Variants in L2HGDH observed in about 807,000 individuals in gnomAD.
L2HGDH encodes L-2-hydroxyglutarate dehydrogenase, also known as L-2-hydroxyglutarate dehydrogenase, mitochondrial.
In L2HGDH, 34 loss-of-function variants were observed where a neutral mutation model predicts 51.5. The ratio of observed to expected loss-of-function variants is 0.66; its 90% confidence interval spans 0.50 to 0.88. The LOEUF (loss-of-function observed/expected upper bound fraction) is 0.88, where lower values mean the gene tolerates loss of function less well. Ranked by LOEUF, L2HGDH falls within the 40% of genes least tolerant of loss-of-function variation. L2HGDH has a pLI of 0.00. For synonymous variants in L2HGDH, 198 were observed against 197.9 expected (o/e 1.00, Z -0.01); for missense variants, 558 against 571.9 (o/e 0.98, Z 0.25).
At position 50,267,564 on chromosome 14, in the gene L2HGDH, T is replaced by G. The variant is rs12431540; in HGVS notation, c.1064+189A>C. 0.75 allele frequency among the ~76,000 whole-genome samples: 113,079 copies of G among 151,050 alleles called. 43,064 individuals carry two copies. Among genetic ancestry groups the G allele is most frequent in the African/African-American group, 0.9 (36,937 of 40,962 alleles). ...TACTTATTCCAAAAGGCATTTTTTTTTTTGTTTGTTTGTTTGTTTGTTTGC... is the reference window on the plus strand; with the variant it reads ...TACTTATTCCAAAAGGCATTTTTTTGTTTGTTTGTTTGTTTGTTTGTTTGC... On this transcript the variant is annotated intron_variant, in intron 8 of 9. Transcript: ENST00000267436.
chr14:50,278,521 T>C lies in L2HGDH; in HGVS notation c.737A>G (p.Lys246Arg). ...GCAGTTTTGCTTAAGAATCTTTACC[T>C]TTGTATTCTTTATAACAATTGGATA... ...MQYPIVIKNT[K>R]GEEIRCQYVV... The change falls in exon 6 of 10, where the codon AAG (lysine) becomes AGG (arginine). Residue 246 changes from lysine to arginine, a missense_variant and splice_region_variant. By Grantham distance (26) the Lys-to-Arg change is conservative. Coordinates refer to ENST00000267436, the MANE Select transcript of L2HGDH (RefSeq NM_024884.3). 6.7e-7 allele frequency: 1 copy of C among 1,496,276 alleles called. No homozygotes were observed. Among genetic ancestry groups the C allele is most frequent in the Non-Finnish European group, 9.3e-7 (1 of 1,079,860 alleles). The allele number at this position is 1,496,276 out of a possible 1,614,324, so 92.7% of individuals were successfully genotyped here.
chr14:50,256,908 G>A (rs1888698449), intron 9 of L2HGDH, among the ~76,000 whole-genome samples: 1 of 151,988 alleles, frequency 6.6e-6, no homozygotes, highest in Admixed American at 6.6e-5. Flanking sequence ...AGATAGGCTG[G>A]AATCTTCTCA....
At chr14:50,295,791 T>G (rs964298266) in intron 3 of L2HGDH, among the ~76,000 whole-genome samples, 2 of 146,948 alleles carry the variant, frequency 1.4e-5, no homozygotes, top group South Asian at 2.1e-4. Context: ...CAGGCTGGAG[T>G]GCAATGGCAG....
chr14:50,284,369 T>C (rs1890446713), intron 4 of L2HGDH, among the ~76,000 whole-genome samples: 1 of 152,252 alleles, frequency 6.6e-6, no homozygotes. Context: ...TCCAGAGCAT[T>C]GCTTTGACTT....
At chr14:50,283,348 G>A (rs531421570) in intron 5 of L2HGDH, among the ~76,000 whole-genome samples, 2 of 152,192 alleles carry the variant, frequency 1.3e-5, no homozygotes, top group South Asian at 2.1e-4. Flanking sequence ...TCGGACCACC[G>A]CCTGGTTCTA....
At chr14:50,248,946 C>A (rs564364247) in intron 9 of L2HGDH, among the ~76,000 whole-genome samples, 3 of 152,278 alleles carry the variant, frequency 2.0e-5, no homozygotes, top group South Asian at 2.1e-4. Context: ...CCCTCCCTCA[C>A]CCCCTAGCAG....
intron 1 of L2HGDH, among the ~76,000 whole-genome samples, chr14:50,310,936 C>CTTTTTTTTTTTTTTTTTTTTTT (rs34399906): frequency 2.3e-4 from 19 of 82,238 alleles, no homozygotes; most frequent in East Asian, 4.2e-4. Flanking sequence ...CTTTTCTTTT[C>CTTTTTTTTTTTTTTTTTTTTTT]TTTTTTTTTT....
chr14:50,247,018 G>T lies in L2HGDH; in HGVS notation c.*40C>A, dbSNP rs761154069. On this transcript the variant is annotated 3_prime_UTR_variant, in exon 10 of 10. Coordinates refer to ENST00000267436, the MANE Select transcript of L2HGDH (RefSeq NM_024884.3). ...ATGCAATTAGTACATTCTTGTTGCT[G>T]ACATGAAGATTACAGTGCATACCTA... The T allele has an allele frequency of 1.9e-6, 3 of 1,593,938 alleles. No homozygotes were observed. Among genetic ancestry groups the T allele is most frequent in the East Asian group, 2.2e-5 (1 of 44,552 alleles).
intron 4 of L2HGDH, among the ~76,000 whole-genome samples, chr14:50,288,519 C>T (rs1890688250): frequency 6.6e-6 from 1 of 152,176 alleles, no homozygotes; most frequent in Non-Finnish European, 1.5e-5. Flanking sequence ...AAACCTCTGC[C>T]TCCCTGGTTC....
intron 6 of L2HGDH, among the ~76,000 whole-genome samples, chr14:50,269,643 G>C (rs1417953262): frequency 6.6e-6 from 1 of 152,062 alleles, no homozygotes; most frequent in Non-Finnish European, 1.5e-5. Context: ...ATACAAATCT[G>C]TTTATTAGGA....
intron 3 of L2HGDH, among the ~76,000 whole-genome samples, chr14:50,298,104 C>G (rs966962179): frequency 2.0e-5 from 3 of 151,850 alleles, no homozygotes; most frequent in Non-Finnish European, 2.9e-5. Flanking sequence ...ATTAGCCAGG[C>G]ATGGTGGCGT....
rs1887853428 is a variant in L2HGDH, at chr14:50,242,738, G to A, written c.*4320C>T. 5 of 985,384 alleles carry A rather than the reference G, an allele frequency of 5.1e-6. No homozygotes were observed. Among genetic ancestry groups the A allele is most frequent in the Non-Finnish European group, 6.0e-6 (5 of 829,900 alleles). The allele number at this position is 985,384 out of a possible 1,614,324, so 61.0% of individuals were successfully genotyped here. ...GATTTCAAAAACTCCCTTTGAGTGT[G>A]TTAGAAAAGCTTAGAAACTGACTTT... On this transcript the variant is annotated 3_prime_UTR_variant, in exon 10 of 10. Coordinates refer to ENST00000267436, the MANE Select transcript of L2HGDH (RefSeq NM_024884.3).
At position 50,294,096 on chromosome 14, in the gene L2HGDH, C is replaced by T. The variant is rs1566533605; in HGVS notation, c.540+19G>A. On this transcript the variant is annotated intron_variant, in intron 4 of 9. Transcript: ENST00000267436. The stretch of plus-strand genomic sequence containing the variant: ...AGGACTAAGCCCTAAATAAAAACAT[C>T]CCTTTGTTAATCACTTACCCTACAA... The T allele has an allele frequency of 6.2e-7, 1 of 1,613,288 alleles. No homozygotes were observed. The highest frequency in any genetic ancestry group is 2.2e-5 in the East Asian group (1 of 44,844).
intron 1 of L2HGDH, chr14:50,311,143 T>C (rs1315206988): frequency 2.9e-6 from 1 of 341,740 alleles, no homozygotes; most frequent in African/African-American, 2.1e-5. Flanking sequence ...GGTTTCACCA[T>C]GTTGGTTAGG....
intron 9 of L2HGDH, among the ~76,000 whole-genome samples, chr14:50,262,282 T>C (rs753748019): frequency 6.6e-6 from 1 of 151,678 alleles, no homozygotes; most frequent in Non-Finnish European, 1.5e-5. Context: ...ATACAAAAAT[T>C]AGCTGGGCAT....
rs972216203 is a variant in L2HGDH, at chr14:50,245,226, C to T, written c.*1832G>A. The T allele has an allele frequency of 5.4e-5, 53 of 985,070 alleles. No homozygotes were observed. In the African/African-American group the frequency reaches 9.1e-4, roughly 17 times the overall value. 61.0% of individuals were successfully genotyped at this position (985,070 alleles called of 1,614,324 possible). On this transcript the variant is annotated 3_prime_UTR_variant, in exon 10 of 10. Coordinates refer to ENST00000267436, the MANE Select transcript of L2HGDH (RefSeq NM_024884.3). Reference sequence around the variant, plus strand: ...CGTATGAATCATTACCAATCTTGGCCAACATTTTGAGAGCCTTAGTGTGAC... The same window carrying T: ...CGTATGAATCATTACCAATCTTGGCTAACATTTTGAGAGCCTTAGTGTGAC...
In L2HGDH at chr14:50,312,122, C is replaced by A. The variant is rs773202214; in HGVS notation, c.29G>T (p.Gly10Val). 6.2e-7 allele frequency: 1 copy of A among 1,610,174 alleles called. No individual in the cohort carries two copies. The highest frequency in any genetic ancestry group is 1.3e-5 in the African/African-American group (1 of 74,902). The change falls in exon 1 of 10, where the codon GGT (glycine) becomes GTT (valine). Residue 10 changes from glycine (G) to valine (V), a missense_variant. This residue lies in a region of L2HGDH where 194 missense variants were observed against 187.2 expected (regional missense o/e 1.04). Coordinates refer to ENST00000267436, the MANE Select transcript of L2HGDH (RefSeq NM_024884.3). ...AAGCCCGCGGGCCCGTCCGCAGGCACCAACCAAATAACGCAGCGCTGGCAC... is the reference window on the plus strand; with the variant it reads ...AAGCCCGCGGGCCCGTCCGCAGGCAACAACCAAATAACGCAGCGCTGGCAC... MVPALRYLV[G>V]ACGRARGLFA...
intron 6 of L2HGDH, among the ~76,000 whole-genome samples, chr14:50,276,357 T>C (rs1490140886): frequency 2.6e-5 from 4 of 152,126 alleles, no homozygotes; most frequent in African/African-American, 9.7e-5. Context: ...GTCACAGAAA[T>C]GAGGGATGTT....
At chr14:50,291,041 T>C (rs1890850673) in intron 4 of L2HGDH, among the ~76,000 whole-genome samples, 1 of 150,560 alleles carries the variant, frequency 6.6e-6, no homozygotes, top group Non-Finnish European at 1.5e-5. Flanking sequence ...CTACTAAAAA[T>C]ACAAAAATTA....
Sources: allele counts gnomAD v4.1 joint callset (sites outside exome capture counted in the v4.1 genomes callset), GRCh38; gene constraint gnomAD v4.1.1; regional missense constraint gnomAD v4.1.1; transcripts MANE v1.5; gene names NCBI Gene and HGNC (gene_info 2026-07-23, HGNC 2026-07-21).